Variants in LRP4 observed in about 807,000 individuals in gnomAD.
LRP4 encodes low-density lipoprotein receptor-related protein 4.
In LRP4, 95 loss-of-function variants were observed where a neutral mutation model predicts 220.3. That is an observed-to-expected ratio of 0.43 (90% CI 0.37 to 0.51). The LOEUF is 0.51. Ranked by LOEUF, LRP4 falls within the 20% of genes least tolerant of loss-of-function variation. LRP4 has a pLI of 0.00. For missense variants in LRP4, 1,925 were observed against 2,567.0 expected, an observed-to-expected ratio of 0.75 and a Z score of 5.40; for synonymous variants, 903 against 954.6, an observed-to-expected ratio of 0.95 and a Z score of 1.00.
chr11:46,873,190 C>T lies in LRP4; in HGVS notation c.4493G>A (p.Arg1498Gln), dbSNP rs764079526. The T allele has an allele frequency of 9.9e-6, 16 of 1,614,056 alleles. No homozygotes were observed. The highest frequency in any genetic ancestry group is 6.7e-5 in the Admixed American group (4 of 60,004). ...TDWGHIAKIE[R>Q]ANLDGSERKV... is the part of the protein sequence containing the mutation. ...CCGCTCAGAACCATCCAAGTTTGCC[C>T]GTTCGATCTTGGCAATGTGGCCCCA... is the stretch of plus-strand genomic sequence containing the variant. Residue 1498 changes from arginine to glutamine, a missense_variant, in exon 30 of 38, where the codon CGG (arginine) becomes CAG (glutamine). Physicochemically the swap from Arg to Gln is conservative, Grantham distance 43. Transcript: ENST00000378623. This position sits in a 1 kb window ranked among gnomAD's most constrained non-coding sequence, Gnocchi z 4.2.
chr11:46,889,740 G>C (rs35962543), intron 15 of LRP4: 1 of 835,022 alleles, frequency 1.2e-6, no homozygotes, highest in South Asian at 1.6e-5. Flanking sequence ...AGATGGGAAC[G>C]GTGAAGTCTA....
At position 46,868,989 on chromosome 11, in the gene LRP4, T is replaced by A; in HGVS notation, c.4836A>T (p.Thr1612=). 6.2e-7 allele frequency: 1 copy of A among 1,614,172 alleles called. No homozygotes were observed. Among genetic ancestry groups the A allele is most frequent in the Non-Finnish European group, 8.5e-7 (1 of 1,180,022 alleles). ...CAGGCTCAGTACCCGGGAGCCCACC[T>A]GTCTGCCGCTGAGGGGAAACCACGA... ...DIIVVSPQRQ[T]GTNACGVNNG... The change falls in exon 32 of 38, where the codon ACA becomes ACT. Residue 1612 remains threonine (T), a splice_region_variant and synonymous_variant. Transcript: ENST00000378623.
chr11:46,874,282 T>C (rs965691009), intron 28 of LRP4: 15 of 164,486 alleles, frequency 9.1e-5, no homozygotes, highest in South Asian at 1.6e-4. Flanking sequence ...TGTTCCTCCA[T>C]GTGAGAATAT....
At chr11:46,872,118 T>C (rs1225918280) in intron 30 of LRP4, among the ~76,000 whole-genome samples, 1 of 151,888 alleles carries the variant, frequency 6.6e-6, no homozygotes, top group Non-Finnish European at 1.5e-5. Context: ...TAGCCAGGCG[T>C]GGTGACACGT....
chr11:46,867,946 A>T (rs1940746764), intron 34 of LRP4, 33 bp downstream of exon 34: 1 of 1,613,944 alleles, frequency 6.2e-7, no homozygotes, highest in Admixed American at 1.7e-5. Flanking sequence ...ATTTGAATCA[A>T]AGGGCCCATG....
chr11:46,918,485 C>T lies in LRP4; in HGVS notation c.-106G>A. The T allele has an allele frequency of 2.6e-6, 2 of 774,926 alleles. No individual in the cohort carries two copies. Among genetic ancestry groups the T allele is most frequent in the Non-Finnish European group, 1.7e-6 (1 of 595,290 alleles). 48.0% of individuals were successfully genotyped at this position (774,926 alleles called of 1,614,324 possible). ...AGGGGGAAGCGTCCCGGGTGCACGG[C>T]GGCCTGCGCGCCCCGCAAGTCGCCC... is the stretch of plus-strand genomic sequence containing the variant. On this transcript the variant is annotated 5_prime_UTR_variant, in exon 1 of 38. Transcript: ENST00000378623. The surrounding 1 kb of genome is among the most constrained non-coding windows in gnomAD (Gnocchi z 6.0).
intron 16 of LRP4, among the ~76,000 whole-genome samples, chr11:46,887,236 A>G (rs1565791228): frequency 1.3e-5 from 2 of 152,186 alleles, no homozygotes; most frequent in Non-Finnish European, 1.5e-5. Context: ...GTCAGTCTGA[A>G]TACTTTCTCA....
intron 1 of LRP4, among the ~76,000 whole-genome samples, chr11:46,910,593 G>A (rs563863373): frequency 6.6e-6 from 1 of 151,830 alleles, no homozygotes; most frequent in East Asian, 1.9e-4. Context: ...CATGGGTTAA[G>A]TTGGTGGCAT....
intron 1 of LRP4, among the ~76,000 whole-genome samples, chr11:46,914,136 A>G (rs1941912338): frequency 6.6e-6 from 1 of 152,204 alleles, no homozygotes. Context: ...TAGTTTGAAC[A>G]TGCTATTATC....
chr11:46,900,022 G>T, intron 3 of LRP4, 46 bp from the exon 4 acceptor site: 1 of 1,470,280 alleles, frequency 6.8e-7, no homozygotes, highest in Non-Finnish European at 9.5e-7. Context: ...TGGGGGTCTG[G>T]TGCCTGGAAG....
chr11:46,868,120 CAA>C lies in LRP4; in HGVS notation c.4952-8_4952-7del. The C allele has an allele frequency of 6.2e-7, 1 of 1,613,852 alleles. No homozygotes were observed. Among genetic ancestry groups the C allele is most frequent in the South Asian group, 1.1e-5 (1 of 91,056 alleles). ...TGGTGGTACCAGGCCAGGCACTAGA[CAA>C]AAAAGAGGATTGGAGTGGGCCACTG... On this transcript the variant is annotated splice_polypyrimidine_tract_variant and splice_region_variant and intron_variant, in intron 33 of 37. Coordinates refer to ENST00000378623, the MANE Select transcript of LRP4 (RefSeq NM_002334.4).
Position 46,876,727 on chromosome 11 carries a change from C to T in LRP4, c.3364+17G>A. On this transcript the variant is annotated intron_variant, in intron 24 of 37. Transcript: ENST00000378623. ...TGTTGCCAGACAGGTGGTCCCTGGG[C>T]TAGGAGGAAGGCCCACCTGTGGTGA... 1 of 1,614,146 alleles carries T rather than the reference C, an allele frequency of 6.2e-7. No individual in the cohort carries two copies. Among genetic ancestry groups the T allele is most frequent in the Non-Finnish European group, 8.5e-7 (1 of 1,179,988 alleles).
intron 18 of LRP4, among the ~76,000 whole-genome samples, chr11:46,884,925 G>GA (rs1201738842): frequency 1.3e-5 from 2 of 150,994 alleles, no homozygotes; most frequent in Non-Finnish European, 3.0e-5. Flanking sequence ...ATTTAAAAAA[G>GA]AAAAAAAAAT....
At chr11:46,895,076 A>G in intron 11 of LRP4, 90 bp downstream of exon 11, 2 of 1,565,562 alleles carry the variant, frequency 1.3e-6, no homozygotes, top group Non-Finnish European at 1.7e-6. Context: ...AAATCTCTCT[A>G]CCTCTCTGCA....
chr11:46,897,334 C>CTTTTTTTTTTTTTT (rs60604776), intron 7 of LRP4, among the ~76,000 whole-genome samples: 1 of 128,074 alleles, frequency 7.8e-6, no homozygotes, highest in Non-Finnish European at 1.6e-5. Context: ...GCCTGTTTGT[C>CTTTTTTTTTTTTTT]TTTTTTTTTT....
At chr11:46,889,761 T>C (rs573958201) in intron 15 of LRP4, 183 bp downstream of exon 15, 1 of 842,960 alleles carries the variant, frequency 1.2e-6, no homozygotes, top group East Asian at 2.6e-5. Flanking sequence ...ATGAATCTTT[T>C]CGTGAATCTT....
intron 35 of LRP4, 152 bp from the exon 36 acceptor site, chr11:46,864,687 TGGGA>T (rs1454086532): frequency 1.5e-6 from 1 of 684,842 alleles, no homozygotes; most frequent in African/African-American, 1.8e-5. Context: ...GATAGGTAAA[TGGGA>T]GGTGCAGGGA....
Position 46,895,966 on chromosome 11 carries a change from C to T in LRP4, c.1101G>A (p.Gln367=), listed in dbSNP as rs1320116342. ...CTGCCCCCCGCACCATCTGGCACTT[C>T]TGGGCACAGCCACCGTTGTTAACAT... ...NCNVNNGGCA[Q]KCQMVRGAVQ... Residue 367 remains glutamine, a synonymous_variant, in exon 10 of 38, where the codon CAG becomes CAA. Coordinates refer to ENST00000378623, the MANE Select transcript of LRP4 (RefSeq NM_002334.4). 2 of 1,614,138 alleles carry T rather than the reference C, an allele frequency of 1.2e-6. No homozygotes were observed. Among genetic ancestry groups the T allele is most frequent in the Non-Finnish European group, 1.7e-6 (2 of 1,180,034 alleles).
chr11:46,889,392 G>T lies in LRP4; in HGVS notation c.2215+19C>A. ...CTCACAACAGCCTCCATGGAGGCTGGTGTTGCAGACCCACTTACTCTGGGC... is the reference window on the plus strand; with the variant it reads ...CTCACAACAGCCTCCATGGAGGCTGTTGTTGCAGACCCACTTACTCTGGGC... On this transcript the variant is annotated intron_variant, in intron 16 of 37. Transcript: ENST00000378623. The T allele has an allele frequency of 1.9e-6, 3 of 1,613,580 alleles. No homozygotes were observed. In the South Asian group the frequency reaches 3.3e-5, roughly 18 times the overall value.
Sources: allele counts gnomAD v4.1 joint callset (sites outside exome capture counted in the v4.1 genomes callset), GRCh38; gene constraint gnomAD v4.1.1; non-coding constraint Gnocchi (gnomAD v3.1); transcripts MANE v1.5; gene names NCBI Gene and HGNC (gene_info 2026-07-23, HGNC 2026-07-21).